PHACTR1: variants seen among roughly 807,000 people sequenced by gnomAD.
PHACTR1 encodes RPEL repeat containing 1.
A neutral mutation model predicts 69.2 loss-of-function variants in PHACTR1; 16 were observed. The observed-to-expected ratio is 0.23, with a 90% CI of 0.16 to 0.35. The LOEUF is 0.35. PHACTR1 is among the 10% of genes least tolerant of loss of function. The pLI is 1.00. For synonymous variants in PHACTR1, 312 were observed against 284.5 expected, an observed-to-expected ratio of 1.10 and a Z score of -0.97; for missense variants, 510 against 734.7, an observed-to-expected ratio of 0.69 and a Z score of 3.54.
intron 4 of PHACTR1, among the ~76,000 whole-genome samples, chr6:12,944,792 T>TTATTTA (rs763631079): frequency 0.097 from 14,291 of 146,654 alleles, 737 homozygotes; most frequent in Middle Eastern, 0.14. Flanking sequence ...TATTTATTTT[T>TTATTTA]TTTTTTTTGA....
intron 4 of PHACTR1, among the ~76,000 whole-genome samples, chr6:12,913,771 C>T (rs1786665086): frequency 1.3e-5 from 2 of 152,230 alleles, no homozygotes; most frequent in East Asian, 1.9e-4. Context: ...GAAGAGGAAG[C>T]GATATCCCAG....
At position 13,177,445 on chromosome 6, in the gene PHACTR1, G is replaced by A. The variant is rs1055170803; in HGVS notation, c.497-5074G>A. Among the ~76,000 whole-genome samples, 355 of 146,638 alleles carry A rather than the reference G, an allele frequency of 2.4e-3. 3 individuals carry two copies. Among genetic ancestry groups the A allele is most frequent in the African/African-American group, 8.0e-3 (320 of 39,832 alleles). On this transcript the variant is annotated intron_variant, in intron 6 of 14. Coordinates refer to ENST00000332995, the MANE Select transcript of PHACTR1 (RefSeq NM_030948.6). ...TATATGTATGTATGTGTATATATGT[G>A]TGTGTGTGTGTATATATATATACAT...
At chr6:13,042,051 G>T (rs1353475796) in intron 4 of PHACTR1, among the ~76,000 whole-genome samples, 1 of 152,198 alleles carries the variant, frequency 6.6e-6, no homozygotes, top group African/African-American at 2.4e-5. Context: ...ATTAAATTAA[G>T]TTTGGAAAAT....
intron 4 of PHACTR1, among the ~76,000 whole-genome samples, chr6:13,019,068 A>T (rs150494862): frequency 0.22 from 29,671 of 137,342 alleles, 3,959 homozygotes; most frequent in Non-Finnish European, 0.29. Context: ...ATATATATAT[A>T]TATATATTTT....
At chr6:13,137,589 T>C (rs1821753462) in intron 5 of PHACTR1, among the ~76,000 whole-genome samples, 1 of 152,266 alleles carries the variant, frequency 6.6e-6, no homozygotes, top group African/African-American at 2.4e-5. Flanking sequence ...TTCAAGTTTC[T>C]ATGTTTAGCA....
chr6:12,842,927 A>G (rs1778843425), intron 4 of PHACTR1, among the ~76,000 whole-genome samples: 2 of 152,214 alleles, frequency 1.3e-5, no homozygotes, highest in African/African-American at 4.8e-5. Flanking sequence ...CAATGTAACC[A>G]TTAGATGGAC....
At chr6:13,239,947 T>G (rs1186180415) in intron 10 of PHACTR1, among the ~76,000 whole-genome samples, 1 of 152,124 alleles carries the variant, frequency 6.6e-6, no homozygotes, top group Non-Finnish European at 1.5e-5. Context: ...GCCCCGGCAG[T>G]CTGTACATTT....
intron 6 of PHACTR1, among the ~76,000 whole-genome samples, chr6:13,177,364 GCTCT>G (rs60383041): frequency 3.1e-4 from 45 of 145,998 alleles, no homozygotes; most frequent in East Asian, 2.8e-3. Flanking sequence ...TCTCTCTTGC[GCTCT>G]CTCTCTCTCT....
intron 4 of PHACTR1, among the ~76,000 whole-genome samples, chr6:12,866,479 G>C (rs185293002): frequency 6.6e-6 from 1 of 151,794 alleles, no homozygotes; most frequent in Admixed American, 6.6e-5. Flanking sequence ...GAAAAAGAAT[G>C]GAAAAGTTTC....
chr6:13,278,450 A>T (rs939889698), intron 12 of PHACTR1, 121 bp downstream of exon 12: 3 of 820,180 alleles, frequency 3.7e-6, no homozygotes, highest in Admixed American at 2.5e-5. Context: ...TGTGTCAGAG[A>T]GTGCCACTCT....
At chr6:13,263,983 C>T (rs183005508) in intron 10 of PHACTR1, among the ~76,000 whole-genome samples, 1 of 152,254 alleles carries the variant, frequency 6.6e-6, no homozygotes, top group East Asian at 1.9e-4. Context: ...CCCTGGGTGT[C>T]CCCCGAAAAT....
chr6:12,880,313 A>C (rs375744319), intron 4 of PHACTR1, among the ~76,000 whole-genome samples: 1 of 149,570 alleles, frequency 6.7e-6, no homozygotes, highest in African/African-American at 2.5e-5. Context: ...TGCAGCCTTG[A>C]CCTTCCTGGC....
intron 8 of PHACTR1, among the ~76,000 whole-genome samples, chr6:13,226,834 C>A (rs2127306669): frequency 6.6e-6 from 1 of 151,274 alleles, no homozygotes; most frequent in South Asian, 2.1e-4. Context: ...GCCTCCCAGG[C>A]TCAAGCGATT....
At chr6:12,742,378 C>A (rs1024533264) in intron 3 of PHACTR1, among the ~76,000 whole-genome samples, 1 of 152,056 alleles carries the variant, frequency 6.6e-6, no homozygotes, top group Admixed American at 6.6e-5. Context: ...TCTTTTAGCA[C>A]GCTAATTCAT....
At chr6:12,875,407 C>G (rs1303231376) in intron 4 of PHACTR1, among the ~76,000 whole-genome samples, 3 of 152,276 alleles carry the variant, frequency 2.0e-5, no homozygotes, top group East Asian at 1.9e-4. Context: ...CAGTAAGGCC[C>G]ATGCTAGCTC....
intron 4 of PHACTR1, among the ~76,000 whole-genome samples, chr6:12,849,623 T>C (rs1779638395): frequency 1.3e-5 from 2 of 152,192 alleles, no homozygotes; most frequent in African/African-American, 2.4e-5. Context: ...GCTGATGTTA[T>C]GATTTCATTG....
intron 4 of PHACTR1, among the ~76,000 whole-genome samples, chr6:12,967,447 T>C (rs1213638461): frequency 6.6e-6 from 1 of 152,232 alleles, no homozygotes; most frequent in Non-Finnish European, 1.5e-5. Context: ...GTCTCTATTC[T>C]TTGAAATAAC....
intron 8 of PHACTR1, among the ~76,000 whole-genome samples, chr6:13,206,939 T>A (rs978342058): frequency 6.6e-6 from 1 of 152,166 alleles, no homozygotes; most frequent in African/African-American, 2.4e-5. Context: ...AGTTTGTTTT[T>A]TTTTTCTCAT....
intron 7 of PHACTR1, among the ~76,000 whole-genome samples, chr6:13,190,898 C>T (rs542147203): frequency 8.5e-5 from 13 of 152,198 alleles, no homozygotes; most frequent in African/African-American, 3.1e-4. Context: ...TGTCCATGAC[C>T]TGTGTTATTT....
Sources: gnomAD v4.1 joint callset for allele counts (sites outside exome capture counted in the v4.1 genomes callset) on GRCh38, gnomAD v4.1.1 for gene constraint, MANE v1.5 for transcripts, NCBI Gene and HGNC (gene_info 2026-07-23, HGNC 2026-07-21) for gene names.